MED12L: variants seen among roughly 807,000 people sequenced by gnomAD.
MED12L encodes the protein mediator of RNA polymerase II transcription subunit 12-like protein.
A neutral mutation model predicts 281.3 loss-of-function variants in MED12L; 60 were observed. The observed-to-expected ratio is 0.21, with a 90% CI of 0.17 to 0.26. The LOEUF is 0.26. Among genes scored for constraint, MED12L ranks in the 10% least tolerant of loss-of-function variants. MED12L has a pLI of 1.00. For synonymous variants in MED12L, 974 were observed against 987.2 expected (o/e 0.99, Z 0.25); for missense variants, 2,146 against 2,680.9 (o/e 0.80, Z 4.41).
At chr3:151,325,165 T>C (rs935447807) in intron 16 of MED12L, among the ~76,000 whole-genome samples, 2 of 152,216 alleles carry the variant, frequency 1.3e-5, no homozygotes, top group Admixed American at 6.5e-5. Flanking sequence ...ATAATGACTT[T>C]ATCTACCTTT....
chr3:151,378,436 A>G (rs1711618696), intron 31 of MED12L, among the ~76,000 whole-genome samples: 2 of 152,184 alleles, frequency 1.3e-5, no homozygotes, highest in African/African-American at 4.8e-5. Flanking sequence ...GACCCGCTTT[A>G]GACCAACTGA....
chr3:151,275,318 C>A (rs1741665165), intron 16 of MED12L, among the ~76,000 whole-genome samples: 2 of 151,978 alleles, frequency 1.3e-5, no homozygotes, highest in Non-Finnish European at 2.9e-5. Flanking sequence ...ACCTCAAAAG[C>A]AGATGTCATA....
chr3:151,252,726 TC>T (rs1470442082), intron 16 of MED12L, among the ~76,000 whole-genome samples: 1 of 152,204 alleles, frequency 6.6e-6, no homozygotes, highest in Admixed American at 6.5e-5. Flanking sequence ...TTGTACATAT[TC>T]AGTTTGCTAT....
chr3:151,156,204 C>T lies in MED12L; in HGVS notation c.600C>T (p.Ala200=). The T allele has an allele frequency of 1.9e-6, 3 of 1,612,300 alleles. No homozygotes were observed. The highest frequency in any genetic ancestry group is 1.1e-5 in the South Asian group (1 of 90,650). Residue 200 remains alanine, a synonymous_variant, in exon 6 of 45, where the codon GCC becomes GCT. Coordinates refer to ENST00000687756, the MANE Select transcript of MED12L (RefSeq NM_001393769.1). ...CCAGATATCTTCGAGAGCAGTTGGC[C>T]AAGATTTCTGACTTTTACCACATGG... ...ISTRYLREQL[A]KISDFYHMAS...
chr3:151,376,863 T>C lies in MED12L; in HGVS notation c.4117T>C (p.Leu1373=). 6.2e-7 allele frequency: 1 copy of C among 1,614,022 alleles called. No individual in the cohort carries two copies. Among genetic ancestry groups the C allele is most frequent in the Non-Finnish European group, 8.5e-7 (1 of 1,179,908 alleles). ...ACTCCAGCTAATGATCAAACAGTGC[T>C]TGAAGGACCCTGTGAGTTTATATTG... is the stretch of plus-strand genomic sequence containing the variant. ...LELQLMIKQC[L]KDPGSGSVAE... Residue 1373 remains leucine, a synonymous_variant, in exon 29 of 45, where the codon TTG becomes CTG. Coordinates refer to ENST00000687756, the MANE Select transcript of MED12L (RefSeq NM_001393769.1).
At chr3:151,156,909 G>A (rs563397751) in intron 6 of MED12L, among the ~76,000 whole-genome samples, 1 of 152,308 alleles carries the variant, frequency 6.6e-6, no homozygotes, top group African/African-American at 2.4e-5. Context: ...TATTAGCAGA[G>A]ATTTTAGTGC....
chr3:151,405,134 G>A (rs59605118), intron 39 of MED12L, among the ~76,000 whole-genome samples: 56,249 of 152,094 alleles, frequency 0.37, 10,938 homozygotes, highest in Middle Eastern at 0.48. Context: ...AGATAGGTCA[G>A]TATTGAACAG....
intron 16 of MED12L, chr3:151,214,400 G>C (rs1727786708): frequency 2.6e-6 from 3 of 1,148,342 alleles, no homozygotes; most frequent in Non-Finnish European, 3.7e-6. Context: ...GACATTTGCT[G>C]AGTAATAAGG....
intron 19 of MED12L, among the ~76,000 whole-genome samples, chr3:151,356,387 G>C (rs930704263): frequency 1.3e-5 from 2 of 151,804 alleles, no homozygotes; most frequent in Admixed American, 1.3e-4. Flanking sequence ...GCAAGGCCCT[G>C]TCTCAAAAAT....
In MED12L at chr3:151,183,895, T is replaced by G. The variant is rs114549467; in HGVS notation, c.1495-1435T>G. Among the ~76,000 whole-genome samples the G allele has an allele frequency of 2.7e-3, 416 of 152,342 alleles. 1 individual carries two copies. Among genetic ancestry groups the G allele is most frequent in the Middle Eastern group, 6.8e-3 (2 of 294 alleles). ...TTAATAAAAACTGAAAGCAGTATTT[T>G]TAGGGTAACTCTTTTTGTTATCTTT... On this transcript the variant is annotated intron_variant, in intron 11 of 44. Transcript: ENST00000687756.
intron 2 of MED12L, among the ~76,000 whole-genome samples, chr3:151,115,164 C>T (rs568135678): frequency 5.9e-5 from 9 of 152,142 alleles, no homozygotes; most frequent in African/African-American, 2.2e-4. Flanking sequence ...TGTTGTGTGG[C>T]TGTAATCATA....
chr3:151,133,633 T>C (rs541099162), intron 5 of MED12L, among the ~76,000 whole-genome samples: 1 of 151,332 alleles, frequency 6.6e-6, no homozygotes, highest in South Asian at 2.1e-4. Flanking sequence ...GTGGACACGA[T>C]GTTTAGAAAA....
chr3:151,404,426 C>G (rs1195057314), intron 39 of MED12L, among the ~76,000 whole-genome samples: 1 of 152,172 alleles, frequency 6.6e-6, no homozygotes, highest in Non-Finnish European at 1.5e-5. Flanking sequence ...TTAAAAGTAT[C>G]AAGCATAACT....
intron 16 of MED12L, among the ~76,000 whole-genome samples, chr3:151,347,830 A>G (rs1166410049): frequency 1.3e-5 from 2 of 152,162 alleles, no homozygotes; most frequent in East Asian, 3.9e-4. Flanking sequence ...CCCATTTTTC[A>G]GAGGAAGAAT....
Position 151,388,100 on chromosome 3 carries a change from A to T in MED12L, c.5379A>T (p.Gly1793=), listed in dbSNP as rs1356763384. The change falls in exon 37 of 45, where the codon GGA becomes GGT. Residue 1793 remains glycine, a synonymous_variant. Coordinates refer to ENST00000687756, the MANE Select transcript of MED12L (RefSeq NM_001393769.1). The stretch of plus-strand genomic sequence containing the variant: ...AGTCCGCTGAGCTGTCAGATCAGGG[A>T]AAAACCACAACAGATGAAGAAAAGA... ...ERKSAELSDQ[G]KTTTDEEKKT... is the part of the protein sequence containing the mutation. 1 of 1,613,712 alleles carries T rather than the reference A, an allele frequency of 6.2e-7. No individual in the cohort carries two copies. Among genetic ancestry groups the T allele is most frequent in the Admixed American group, 1.7e-5 (1 of 60,020 alleles).
intron 16 of MED12L, among the ~76,000 whole-genome samples, chr3:151,277,322 C>G (rs967221297): frequency 1.3e-5 from 2 of 151,792 alleles, no homozygotes; most frequent in East Asian, 3.9e-4. Flanking sequence ...TAAATTTTAC[C>G]GAAATATAAA....
intron 11 of MED12L, among the ~76,000 whole-genome samples, 177 bp downstream of exon 11, chr3:151,166,159 A>G (rs531239332): frequency 6.6e-6 from 1 of 152,328 alleles, no homozygotes; most frequent in Admixed American, 6.5e-5. Context: ...TTAAAATGAA[A>G]TGTCAGTGGG....
chr3:151,413,477 CTG>C (rs1354267621), intron 42 of MED12L, among the ~76,000 whole-genome samples, 182 bp downstream of exon 42: 1 of 152,188 alleles, frequency 6.6e-6, no homozygotes, highest in East Asian at 1.9e-4. Flanking sequence ...TTTATTTTCT[CTG>C]TGTATCTACC....
At position 151,355,934 on chromosome 3, in the gene MED12L, G is replaced by A. The variant is rs371851197; in HGVS notation, c.2556G>A (p.Ala852=). ...NNVLEQITSF[A]SGTSYHLPLA... is the part of the protein sequence containing the mutation. Reference sequence around the variant, plus strand: ...TGCTAGAACAAATCACAAGCTTTGCGTCAGGAACATCCTATCATCTCCCTT... The same window carrying A: ...TGCTAGAACAAATCACAAGCTTTGCATCAGGAACATCCTATCATCTCCCTT... The change falls in exon 19 of 45, where the codon GCG becomes GCA. Residue 852 remains alanine, a synonymous_variant. Coordinates refer to ENST00000687756, the MANE Select transcript of MED12L (RefSeq NM_001393769.1). 57 of 1,613,840 alleles carry A rather than the reference G, an allele frequency of 3.5e-5. 1 individual carries two copies. The South Asian group carries it at 4.6e-4, about 13-fold the overall frequency.
Sources: allele counts gnomAD v4.1 joint callset (sites outside exome capture counted in the v4.1 genomes callset), GRCh38; gene constraint gnomAD v4.1.1; transcripts MANE v1.5; gene names NCBI Gene and HGNC (gene_info 2026-07-23, HGNC 2026-07-21).